Variants in COL23A1 observed in about 807,000 individuals in gnomAD.
The protein encoded by COL23A1 is collagen alpha-1(XXIII) chain.
A neutral mutation model predicts 99.3 loss-of-function variants in COL23A1; 97 were observed. The observed-to-expected ratio is 0.98, with a 90% CI of 0.83 to 1.16. COL23A1 has a LOEUF of 1.16. Ranked by LOEUF, COL23A1 falls within the 50% of genes most tolerant of loss-of-function variation. The pLI, the probability that COL23A1 is intolerant of heterozygous loss-of-function variation, is 0.00. For missense variants in COL23A1, 762 were observed against 757.4 expected, an observed-to-expected ratio of 1.01 and a Z score of -0.07; for synonymous variants, 320 against 308.2, an observed-to-expected ratio of 1.04 and a Z score of -0.40.
chr5:178,256,191 T>G (rs771116660), intron 15 of COL23A1, among the ~76,000 whole-genome samples, 162 bp downstream of exon 15: 16 of 152,234 alleles, frequency 1.1e-4, no homozygotes, highest in Non-Finnish European at 5.9e-5. Flanking sequence ...GCATGTACTC[T>G]GGATTTTCAA....
intron 5 of COL23A1, among the ~76,000 whole-genome samples, chr5:178,273,605 C>T (rs28664573): frequency 0.02 from 3,121 of 152,270 alleles, 116 homozygotes; most frequent in African/African-American, 0.071. Flanking sequence ...TCTCGGAAGC[C>T]GAGCCTGTGC....
chr5:178,500,878 AATCAAGAAC>A (rs971328261), intron 2 of COL23A1, among the ~76,000 whole-genome samples: 8 of 152,154 alleles, frequency 5.3e-5, no homozygotes, highest in Middle Eastern at 3.2e-3. Context: ...ACTAGATTAA[AATCAAGAAC>A]ATCTGTCAAA....
chr5:178,557,904 G>T (rs953153537), intron 2 of COL23A1, among the ~76,000 whole-genome samples: 3 of 152,094 alleles, frequency 2.0e-5, no homozygotes, highest in African/African-American at 7.2e-5. Context: ...GAGAGAAAGT[G>T]CAGGCATGGA....
intron 2 of COL23A1, among the ~76,000 whole-genome samples, chr5:178,539,180 A>C (rs1761143701): frequency 2.6e-5 from 4 of 152,214 alleles, no homozygotes; most frequent in Admixed American, 2.6e-4. Flanking sequence ...GTATACTCTA[A>C]GAACCACTGA....
intron 19 of COL23A1, 69 bp downstream of exon 19, chr5:178,249,048 G>A (rs966789091): frequency 3.5e-5 from 53 of 1,515,340 alleles, no homozygotes; most frequent in African/African-American, 2.9e-4. Context: ...CCCACAGCAC[G>A]GGGGGCACAC....
rs1765221516 is a variant in COL23A1, at chr5:178,254,883, G to A, written c.960+66C>T. 5.1e-6 allele frequency: 7 copies of A among 1,361,452 alleles called. No individual in the cohort carries two copies. The Admixed American group carries it at 1.2e-4, about 23-fold the overall frequency. 84.3% of individuals were successfully genotyped at this position (1,361,452 alleles called of 1,614,324 possible). A position where few individuals can be genotyped will look rare whatever the true frequency, so the allele number is the denominator to read the frequency against. On this transcript the variant is annotated intron_variant, in intron 16 of 28. Transcript: ENST00000390654. ...AAAAAAGTGCAGGATTAATCACAAA[G>A]GGAGTGATTATTCCCTAAGGAAAAA...
chr5:178,263,199 C>G lies in COL23A1; in HGVS notation c.639+9G>C, dbSNP rs749462. 1.2e-6 allele frequency: 2 copies of G among 1,602,578 alleles called. No individual in the cohort carries two copies. The highest frequency in any genetic ancestry group is 2.7e-5 in the African/African-American group (2 of 74,616). On this transcript the variant is annotated intron_variant, in intron 9 of 28. Coordinates refer to ENST00000390654, the MANE Select transcript of COL23A1 (RefSeq NM_173465.4). ...GTCCTGCGTGGCCCAACTCCATGCC[C>G]TCTCTTACCGCTGGGCCTTGTGCTC...
intron 26 of COL23A1, 106 bp from the exon 27 acceptor site, chr5:178,242,234 C>T (rs1290347484): frequency 2.7e-6 from 4 of 1,475,284 alleles, no homozygotes; most frequent in Non-Finnish European, 3.7e-6. Flanking sequence ...CTGCCTCCGC[C>T]CACCTGCCCG....
intron 1 of COL23A1, chr5:178,562,320 C>A (rs762156070): frequency 8.8e-4 from 202 of 230,434 alleles, no homozygotes; most frequent in Non-Finnish European, 1.6e-3. Context: ...TTTGGGACGC[C>A]GAGGCCGGCG....
At chr5:178,577,376 C>T (rs1317516328) in intron 1 of COL23A1, among the ~76,000 whole-genome samples, 2 of 152,360 alleles carry the variant, frequency 1.3e-5, no homozygotes, top group Admixed American at 6.5e-5. Flanking sequence ...TTAAAGACCC[C>T]ATCCCCAAGG....
At chr5:178,572,336 G>C (rs1012320075) in intron 1 of COL23A1, among the ~76,000 whole-genome samples, 1 of 151,754 alleles carries the variant, frequency 6.6e-6, no homozygotes, top group African/African-American at 2.4e-5. Context: ...GAGTGAGAAA[G>C]AGCAAAATAG....
At chr5:178,305,767 A>C (rs1303076976) in intron 3 of COL23A1, among the ~76,000 whole-genome samples, 2 of 151,932 alleles carry the variant, frequency 1.3e-5, no homozygotes, top group Non-Finnish European at 2.9e-5. Flanking sequence ...GGGGGTGATG[A>C]GAGCTGCAGG....
chr5:178,389,123 T>C (rs1159504165), intron 2 of COL23A1, among the ~76,000 whole-genome samples: 1 of 151,890 alleles, frequency 6.6e-6, no homozygotes, highest in African/African-American at 2.4e-5. Flanking sequence ...GTTGCCTCAG[T>C]GTGTGGCTTT....
At chr5:178,266,596 C>T (rs1755915872) in intron 8 of COL23A1, among the ~76,000 whole-genome samples, 1 of 152,142 alleles carries the variant, frequency 6.6e-6, no homozygotes, top group East Asian at 1.9e-4. Flanking sequence ...GGATTTTTCT[C>T]AGCAGCTAAA....
intron 2 of COL23A1, among the ~76,000 whole-genome samples, chr5:178,317,246 C>T (rs1581140918): frequency 1.3e-5 from 2 of 152,190 alleles, no homozygotes; most frequent in East Asian, 3.8e-4. Flanking sequence ...CCTTTCTAAG[C>T]CCTTCAGGAC....
At chr5:178,370,882 C>T (rs1185879654) in intron 2 of COL23A1, among the ~76,000 whole-genome samples, 4 of 152,150 alleles carry the variant, frequency 2.6e-5, no homozygotes, top group Admixed American at 2.6e-4. Context: ...GTCAAGGTTG[C>T]AGTGAGCCGT....
chr5:178,568,644 T>C (rs1482873958), intron 1 of COL23A1, among the ~76,000 whole-genome samples: 2 of 152,252 alleles, frequency 1.3e-5, no homozygotes, highest in African/African-American at 4.8e-5. Context: ...CTGTGGGATT[T>C]ATCTATTCTG....
intron 2 of COL23A1, among the ~76,000 whole-genome samples, chr5:178,494,986 C>T (rs637776): frequency 1.3e-5 from 2 of 152,158 alleles, no homozygotes; most frequent in South Asian, 2.1e-4. Flanking sequence ...TTTTCAGCCC[C>T]AATAATGACA....
Position 178,275,829 on chromosome 5 carries a change from G to A in COL23A1, c.442-5466C>T, listed in dbSNP as rs548544452. Among the ~76,000 whole-genome samples the A allele has an allele frequency of 3.9e-5, 6 of 152,130 alleles. No homozygotes were observed. The South Asian group carries it at 8.3e-4, about 21-fold the overall frequency. On this transcript the variant is annotated intron_variant, in intron 5 of 28. Coordinates refer to ENST00000390654, the MANE Select transcript of COL23A1 (RefSeq NM_173465.4). ...CACATCCTGCTGATTTCAGCCCCCC[G>A]GTCCTGACCGATCAATGACCCCAAT...
Sources: allele counts gnomAD v4.1 joint callset (sites outside exome capture counted in the v4.1 genomes callset), GRCh38; gene constraint gnomAD v4.1.1; transcripts MANE v1.5; gene names NCBI Gene and HGNC (gene_info 2026-07-23, HGNC 2026-07-21).